Variants in SVIL observed in about 807,000 individuals in gnomAD.
The protein encoded by SVIL is archvillin.
A neutral mutation model predicts 240.4 loss-of-function variants in SVIL; 101 were observed. That is an observed-to-expected ratio of 0.42 (90% CI 0.36 to 0.50). The LOEUF (loss-of-function observed/expected upper bound fraction) is 0.50. Among genes scored for constraint, SVIL ranks in the 20% least tolerant of loss-of-function variants. The probability of loss-of-function intolerance (pLI) is 0.01; values close to 1 mark genes in which losing one functional copy is unlikely to be tolerated. For missense variants in SVIL, 2,512 were observed against 2,818.7 expected (o/e 0.89, Z 2.46); for synonymous variants, 999 against 1,100.0 (o/e 0.91, Z 1.82).
chr10:29,613,640 G>A (rs1206692879), intron 1 of SVIL, among the ~76,000 whole-genome samples: 1 of 152,108 alleles, frequency 6.6e-6, no homozygotes, highest in African/African-American at 2.4e-5. Context: ...CATTTATCAA[G>A]GAGTTCTAAT....
chr10:29,533,579 A>G lies in SVIL; in HGVS notation c.909-121T>C, dbSNP rs1052528104. On this transcript the variant is annotated intron_variant, in intron 7 of 37. Transcript: ENST00000355867. ...TGACCTGAGAGAGAATAACTTGTGA[A>G]AAAGCATTTTGGTGTCTAATGTCAA... The G allele has an allele frequency of 1.8e-5, 26 of 1,433,158 alleles. No homozygotes were observed. In the African/African-American group the frequency reaches 3.4e-4, roughly 19 times the overall value. 88.8% of individuals were successfully genotyped at this position (1,433,158 alleles called of 1,614,324 possible).
intron 6 of SVIL, among the ~76,000 whole-genome samples, chr10:29,538,598 G>T (rs990909748): frequency 6.6e-6 from 1 of 152,210 alleles, no homozygotes; most frequent in Admixed American, 6.5e-5. Context: ...GTGAGCCGCC[G>T]CTCCCAGATC....
chr10:29,609,344 T>C (rs1387918404), intron 1 of SVIL, among the ~76,000 whole-genome samples: 1 of 152,200 alleles, frequency 6.6e-6, no homozygotes, highest in Non-Finnish European at 1.5e-5. Flanking sequence ...CTGTTAACAC[T>C]ATAGCCCTCC....
At chr10:29,480,470 A>C in intron 29 of SVIL, 67 bp downstream of exon 29, 1 of 1,576,724 alleles carries the variant, frequency 6.3e-7, no homozygotes, top group Non-Finnish European at 8.6e-7. Flanking sequence ...TCATTGGAGA[A>C]GCTGGCTCCC....
chr10:29,485,932 C>T (rs191045446), intron 26 of SVIL, among the ~76,000 whole-genome samples, 153 bp downstream of exon 26: 8 of 152,310 alleles, frequency 5.3e-5, no homozygotes, highest in South Asian at 2.1e-4. Context: ...GGTTTGAAAT[C>T]ACAAATATCC....
chr10:29,512,687 C>T (rs373183133), intron 17 of SVIL, 48 bp downstream of exon 17: 4 of 1,613,618 alleles, frequency 2.5e-6, no homozygotes, highest in Non-Finnish European at 3.4e-6. Flanking sequence ...GATGCACTTC[C>T]AAGAGTGATG....
intron 30 of SVIL, among the ~76,000 whole-genome samples, chr10:29,471,953 G>A (rs188736327): frequency 1.3e-5 from 2 of 152,244 alleles, no homozygotes; most frequent in Non-Finnish European, 2.9e-5. Flanking sequence ...TCCAGAGCTG[G>A]ACCATGGCTC....
intron 13 of SVIL, among the ~76,000 whole-genome samples, 190 bp from the exon 14 acceptor site, chr10:29,524,905 TCATCA>T (rs1289185437): frequency 1.3e-5 from 2 of 151,942 alleles, no homozygotes; most frequent in Admixed American, 1.3e-4. Context: ...ACACTTAGCA[TCATCA>T]CTTCTACAAA....
intron 1 of SVIL, among the ~76,000 whole-genome samples, chr10:29,704,309 C>T (rs754811433): frequency 6.6e-6 from 1 of 152,134 alleles, no homozygotes; most frequent in Non-Finnish European, 1.5e-5. Flanking sequence ...GTGTGTTCAC[C>T]GAGGAACTGA....
At chr10:29,522,305 G>T in intron 16 of SVIL, 105 bp downstream of exon 16, 1 of 1,102,060 alleles carries the variant, frequency 9.1e-7, no homozygotes, top group Non-Finnish European at 1.3e-6. Context: ...GTTAGAAGCT[G>T]AATGTATGAT....
Position 29,481,709 on chromosome 10 carries a change from C to A in SVIL, c.4975G>T (p.Asp1659Tyr), listed in dbSNP as rs746483403. ...LIPRKGQGRP[D>Y]WAIFGRLTEH... is the part of the protein sequence containing the mutation. Reference sequence around the variant, plus strand: ...GTAAGTCTCCCAAATATCGCCCAGTCGGGCCGCCCCTGTCCTTTTCTGTAG... The same window carrying A: ...GTAAGTCTCCCAAATATCGCCCAGTAGGGCCGCCCCTGTCCTTTTCTGTAG... Residue 1659 changes from aspartate (D) to tyrosine (Y), a missense_variant, in exon 28 of 38, where the codon GAC becomes TAC. By Grantham distance (160) the Asp-to-Tyr change is radical. Around this residue, in one of 3 missense-constraint regions of SVIL, gnomAD observed 797 missense variants for 925.3 expected, o/e 0.86. Transcript: ENST00000355867. 4.3e-6 allele frequency: 7 copies of A among 1,611,302 alleles called. No individual in the cohort carries two copies. In the South Asian group the frequency reaches 6.6e-5, roughly 15 times the overall value.
At chr10:29,586,869 C>T (rs1391663104) in intron 1 of SVIL, among the ~76,000 whole-genome samples, 1 of 152,110 alleles carries the variant, frequency 6.6e-6, no homozygotes, top group Non-Finnish European at 1.5e-5. Context: ...TAGAAGGGAA[C>T]AACACACACT....
intron 1 of SVIL, among the ~76,000 whole-genome samples, chr10:29,580,480 T>C (rs1373430737): frequency 6.6e-6 from 1 of 152,186 alleles, no homozygotes; most frequent in East Asian, 1.9e-4. Context: ...AAAAATGGAC[T>C]GCATTATTTA....
intron 1 of SVIL, among the ~76,000 whole-genome samples, chr10:29,598,810 C>T (rs1234677294): frequency 6.6e-6 from 1 of 152,176 alleles, no homozygotes; most frequent in Non-Finnish European, 1.5e-5. Flanking sequence ...TGTTTTCAAA[C>T]CTTGGCCACA....
chr10:29,525,059 A>G (rs1267427209), intron 13 of SVIL, among the ~76,000 whole-genome samples: 1 of 152,204 alleles, frequency 6.6e-6, no homozygotes, highest in Non-Finnish European at 1.5e-5. Flanking sequence ...AGGGAGTCAC[A>G]AAGTATTACC....
chr10:29,641,592 A>G (rs1405265562), intron 3 of SVIL, among the ~76,000 whole-genome samples: 1 of 152,158 alleles, frequency 6.6e-6, no homozygotes, highest in African/African-American at 2.4e-5. Context: ...AAAAAATAAA[A>G]AATAAAAATA....
chr10:29,625,756 C>A (rs2132932536), intron 1 of SVIL, among the ~76,000 whole-genome samples: 1 of 152,144 alleles, frequency 6.6e-6, no homozygotes, highest in East Asian at 1.9e-4. Flanking sequence ...GCCACCACGC[C>A]CAGCCTCAAA....
At chr10:29,703,244 C>T (rs1307188298) in intron 1 of SVIL, among the ~76,000 whole-genome samples, 3 of 152,146 alleles carry the variant, frequency 2.0e-5, no homozygotes, top group South Asian at 2.1e-4. Context: ...CATTATTTAA[C>T]GTTCCCTCTT....
At chr10:29,470,539 C>CGCG in intron 31 of SVIL, 56 bp from the exon 32 acceptor site, 1 of 1,596,040 alleles carries the variant, frequency 6.3e-7, no homozygotes, top group Non-Finnish European at 8.5e-7. Flanking sequence ...TGGCAGCAAA[C>CGCG]GCGGCCCTTC....
Sources: allele counts gnomAD v4.1 joint callset (sites outside exome capture counted in the v4.1 genomes callset), GRCh38; gene constraint gnomAD v4.1.1; regional missense constraint gnomAD v4.1.1; transcripts MANE v1.5; gene names NCBI Gene and HGNC (gene_info 2026-07-23, HGNC 2026-07-21).